The following NF1 variants were observed in gnomAD, a reference collection of about 807,000 sequenced individuals.
The protein encoded by NF1 is neurofibromin 1.
In NF1, 122 loss-of-function variants were observed where a neutral mutation model predicts 325.7. That is an observed-to-expected ratio of 0.37 (90% CI 0.32 to 0.44). NF1 has a LOEUF of 0.44. Ranked by LOEUF, NF1 falls within the 20% of genes least tolerant of loss-of-function variation. The probability of loss-of-function intolerance (pLI) is 1.00; values close to 1 mark genes in which losing one functional copy is unlikely to be tolerated. For missense variants in NF1, 2,140 were observed against 3,415.4 expected (o/e 0.63, Z 9.31); for synonymous variants, 1,091 against 1,186.0 (o/e 0.92, Z 1.65).
chr17:31,162,012 G>A (rs1168107331), intron 3 of NF1, among the ~76,000 whole-genome samples: 4 of 140,032 alleles, frequency 2.9e-5, no homozygotes, highest in African/African-American at 1.1e-4. Flanking sequence ...CTCCAGCCTG[G>A]GCCACAGAGC....
intron 48 of NF1, among the ~76,000 whole-genome samples, chr17:31,347,374 T>C (rs530276073): frequency 5.3e-5 from 8 of 152,242 alleles, no homozygotes; most frequent in African/African-American, 1.9e-4. Flanking sequence ...TTTATGATTA[T>C]GAGAAAACAA....
At chr17:31,263,623 C>A (rs571979130) in intron 35 of NF1, among the ~76,000 whole-genome samples, 45 of 151,450 alleles carry the variant, frequency 3.0e-4, no homozygotes, top group Middle Eastern at 3.4e-3. Context: ...CCTTACAAAG[C>A]AATCTTTTGT....
chr17:31,322,739 TG>T (rs2069242886), intron 36 of NF1, among the ~76,000 whole-genome samples: 2 of 152,186 alleles, frequency 1.3e-5, no homozygotes, highest in African/African-American at 4.8e-5. Context: ...TTCTTGTTTC[TG>T]TTCATGATAG....
At chr17:31,122,247 G>T (rs983331506) in intron 1 of NF1, among the ~76,000 whole-genome samples, 1 of 152,148 alleles carries the variant, frequency 6.6e-6, no homozygotes, top group African/African-American at 2.4e-5. Context: ...ATTTGTTTAG[G>T]AGATGAAATT....
intron 9 of NF1, 50 bp downstream of exon 9, chr17:31,200,645 A>G (rs1352917434): frequency 2.5e-6 from 4 of 1,574,892 alleles, no homozygotes; most frequent in Non-Finnish European, 3.5e-6. Flanking sequence ...AATTAAATGA[A>G]TTTTCTAGCA....
chr17:31,260,174 C>T (rs1189671005), intron 33 of NF1, among the ~76,000 whole-genome samples, 195 bp from the exon 34 acceptor site: 2 of 152,244 alleles, frequency 1.3e-5, no homozygotes, highest in Admixed American at 6.5e-5. Flanking sequence ...GAAGCTGAAG[C>T]CGGGTATCAG....
At position 31,374,165 on chromosome 17, in the gene NF1, G is replaced by C. The variant is rs1452831118; in HGVS notation, c.*10G>C. The stretch of plus-strand genomic sequence containing the variant: ...TAAGAAGATCGTGTGAAGCTTGCTT[G>C]CTTTCTTTTTTAAAATCAACTTAAC... On this transcript the variant is annotated 3_prime_UTR_variant, in exon 58 of 58. Coordinates refer to ENST00000358273, the MANE Select transcript of NF1 (RefSeq NM_001042492.3). 1.2e-6 allele frequency: 2 copies of C among 1,613,838 alleles called. No homozygotes were observed. The highest frequency in any genetic ancestry group is 3.3e-5 in the Admixed American group (2 of 59,984).
intron 36 of NF1, among the ~76,000 whole-genome samples, chr17:31,266,619 C>A (rs17883516): frequency 9.2e-5 from 14 of 152,102 alleles, no homozygotes; most frequent in African/African-American, 3.4e-4. Flanking sequence ...TTTACTTTTC[C>A]GTTGTTGTCT....
chr17:31,370,596 C>T (rs2070616624), intron 57 of NF1, among the ~76,000 whole-genome samples: 1 of 152,168 alleles, frequency 6.6e-6, no homozygotes, highest in Non-Finnish European at 1.5e-5. Context: ...AAGATACCTT[C>T]ACCCTAGTGA....
In NF1 at chr17:31,349,132, C is replaced by T; in HGVS notation, c.7202C>T (p.Pro2401Leu). The change falls in exon 49 of 58, where the codon CCT (proline) becomes CTT (leucine). Residue 2401 changes from proline (P) to leucine (L), a missense_variant. Around this residue, in one of 10 missense-constraint regions of NF1, gnomAD observed 522 missense variants for 749.0 expected, o/e 0.70. Transcript: ENST00000358273. ...TTGTTTTTTGTAGGGTACAGGCATC[C>T]TTCACCTGCTATTGTTGCAAGAACA... is the stretch of plus-strand genomic sequence containing the variant. ...VGHLLKGYRH[P>L]SPAIVARTVR... 6.3e-7 allele frequency: 1 copy of T among 1,597,580 alleles called. No homozygotes were observed. The highest frequency in any genetic ancestry group is 8.5e-7 in the Non-Finnish European group (1 of 1,171,140).
chr17:31,102,412 AGT>A lies in NF1; in HGVS notation c.60+7046_60+7047del, dbSNP rs1912427464. Among the ~76,000 whole-genome samples the A allele has an allele frequency of 2.0e-5, 3 of 151,972 alleles. No individual in the cohort carries two copies. In the South Asian group the frequency reaches 6.2e-4, roughly 31 times the overall value. On this transcript the variant is annotated intron_variant, in intron 1 of 57. Transcript: ENST00000358273. ...TGCTCTGTCACTCAGGCTAGAGTGCAGTGTAGCTTATTACTGATTATTGTGTT... is the reference window on the plus strand; with the variant it reads ...TGCTCTGTCACTCAGGCTAGAGTGCAGTAGCTTATTACTGATTATTGTGTT...
intron 54 of NF1, chr17:31,357,886 T>C (rs1463830306): frequency 6.0e-6 from 1 of 165,450 alleles, no homozygotes; most frequent in African/African-American, 2.4e-5. Flanking sequence ...TTTAATCTCA[T>C]GTTAGAATTT....
intron 36 of NF1, among the ~76,000 whole-genome samples, chr17:31,282,060 GAA>G (rs113453118): frequency 2.2e-5 from 3 of 138,142 alleles, no homozygotes. Flanking sequence ...ACCCTGTCTG[GAA>G]AAAAAAAAAA....
chr17:31,282,149 G>A (rs533788113), intron 36 of NF1, among the ~76,000 whole-genome samples: 14 of 152,056 alleles, frequency 9.2e-5, no homozygotes, highest in Middle Eastern at 6.8e-3. Flanking sequence ...TTGGGAGGCC[G>A]AGGCAGGTGA....
At chr17:31,138,402 T>C (rs1336527752) in intron 1 of NF1, 3 of 152,018 alleles carry the variant, frequency 2.0e-5, no homozygotes, top group Admixed American at 6.6e-5. Flanking sequence ...TAGCTAGGAT[T>C]ACAGGTGCCT....
At chr17:31,304,299 A>G in intron 36 of NF1, 1 of 1,613,388 alleles carries the variant, frequency 6.2e-7, no homozygotes, top group Non-Finnish European at 8.5e-7. Flanking sequence ...GCAGGGATTC[A>G]TTAAGATCTT....
At chr17:31,225,351 A>C in intron 17 of NF1, 101 bp downstream of exon 17, 1 of 1,308,162 alleles carries the variant, frequency 7.6e-7, no homozygotes, top group Non-Finnish European at 1.1e-6. Flanking sequence ...TGTAATAGTG[A>C]AAAACTGCTT....
rs876658422 is a variant in NF1, at chr17:31,325,883, A to G, written c.4899A>G (p.Pro1633=). Residue 1633 remains proline, a synonymous_variant, in exon 37 of 58, where the codon CCA becomes CCG. Coordinates refer to ENST00000358273, the MANE Select transcript of NF1 (RefSeq NM_001042492.3). ...ACCATGTCTTACTGACTTTAAAGCC[A>G]TATTATGCAAAGCCATATGAAATTG... is the stretch of plus-strand genomic sequence containing the variant. ...LIYHVLLTLK[P]YYAKPYEIVV... is the part of the protein sequence containing the mutation. 4 of 1,614,030 alleles carry G rather than the reference A, an allele frequency of 2.5e-6. No homozygotes were observed. Among genetic ancestry groups the G allele is most frequent in the African/African-American group, 1.3e-5 (1 of 74,918 alleles).
At chr17:31,226,403 G>T (rs2151425413) in intron 17 of NF1, 32 bp from the exon 18 acceptor site, 1 of 1,595,002 alleles carries the variant, frequency 6.3e-7, no homozygotes, top group South Asian at 1.1e-5. Context: ...TACCCAAGTT[G>T]CAAATATATG....
Sources: gnomAD v4.1 joint callset for allele counts (sites outside exome capture counted in the v4.1 genomes callset) on GRCh38, gnomAD v4.1.1 for gene constraint, gnomAD v4.1.1 regional missense constraint, MANE v1.5 for transcripts, NCBI Gene and HGNC (gene_info 2026-07-23, HGNC 2026-07-21) for gene names.